The following SLC22A25 variants were observed in gnomAD, a reference collection of about 807,000 sequenced individuals.
SLC22A25 encodes solute carrier family 22 member 25.
In SLC22A25, 44 loss-of-function variants were observed where a neutral mutation model predicts 45.9. The ratio of observed to expected loss-of-function variants is 0.96; its 90% CI spans 0.75 to 1.23. The LOEUF is 1.23. Among genes scored for constraint, SLC22A25 ranks in the 50% most tolerant of loss-of-function variants. The probability of loss-of-function intolerance (pLI) is 0.00; values close to 1 mark genes in which losing one functional copy is unlikely to be tolerated. For missense variants in SLC22A25, 800 were observed against 666.4 expected (o/e 1.20, Z -2.21); for synonymous variants, 283 against 238.6 (o/e 1.19, Z -1.72).
chr11:63,235,527 A>T (rs1462972738), intron 3 of SLC22A25, among the ~76,000 whole-genome samples: 1 of 152,130 alleles, frequency 6.6e-6, no homozygotes, highest in Non-Finnish European at 1.5e-5. Flanking sequence ...TGCATTGGTT[A>T]TTCTAGTTAT....
At chr11:63,214,160 G>A (rs1165317507) in intron 7 of SLC22A25, among the ~76,000 whole-genome samples, 1 of 152,116 alleles carries the variant, frequency 6.6e-6, no homozygotes, top group Non-Finnish European at 1.5e-5. Flanking sequence ...AAACCCTCTG[G>A]TGGGTTCTTG....
intron 7 of SLC22A25, among the ~76,000 whole-genome samples, chr11:63,214,155 C>CT (rs2089651087): frequency 6.6e-6 from 1 of 151,876 alleles, no homozygotes; most frequent in Admixed American, 6.6e-5. Flanking sequence ...ATTCAAAACC[C>CT]TCTGGTGGGT....
chr11:63,243,375 T>C (rs1171330330), intron 1 of SLC22A25, 59 bp downstream of exon 1: 6 of 642,044 alleles, frequency 9.3e-6, no homozygotes, highest in South Asian at 3.3e-5. Flanking sequence ...TAACTAATGC[T>C]GGAGGTCTGT....
intron 9 of SLC22A25, among the ~76,000 whole-genome samples, chr11:63,170,490 C>T (rs985037269): frequency 7.9e-5 from 12 of 152,134 alleles, no homozygotes; most frequent in East Asian, 3.9e-4. Context: ...GGGATATCAC[C>T]GCTAACCCCA....
At chr11:63,164,219 C>G (rs1303691783) in intron 11 of SLC22A25, 146 bp from the exon 12 acceptor site, 2 of 1,148,942 alleles carry the variant, frequency 1.7e-6, no homozygotes, top group Admixed American at 2.7e-5. Flanking sequence ...CTCTTATTTG[C>G]TAGCAATTTA....
At position 63,163,673 on chromosome 11, in the gene SLC22A25, T is replaced by G; in HGVS notation, c.*151A>C. Reference sequence around the variant, plus strand: ...GGCTGGGCAGAGATGGTCTGTGTGATCTAGTGAGGCTCAGGGGATGTATGA... The same window carrying G: ...GGCTGGGCAGAGATGGTCTGTGTGAGCTAGTGAGGCTCAGGGGATGTATGA... On this transcript the variant is annotated 3_prime_UTR_variant, in exon 12 of 12. Coordinates refer to ENST00000306494, the MANE Select transcript of SLC22A25 (RefSeq NM_199352.6). 8.7e-7 allele frequency: 1 copy of G among 1,148,132 alleles called. No individual in the cohort carries two copies. The highest frequency in any genetic ancestry group is 1.8e-5 in the South Asian group (1 of 54,740). 71.1% of individuals were successfully genotyped at this position (1,148,132 alleles called of 1,614,324 possible).
chr11:63,225,533 T>G lies in SLC22A25; in HGVS notation c.506+2928A>C, dbSNP rs567063437. ...GGGTCTCCATTGGATGTTATTTGTT[T>G]CTTTTCTCTTGCGTGTTTAGGATTC... On this transcript the variant is annotated intron_variant, in intron 5 of 11. Coordinates refer to ENST00000306494, the MANE Select transcript of SLC22A25 (RefSeq NM_199352.6). Among the ~76,000 whole-genome samples the G allele has an allele frequency of 2.6e-5, 4 of 152,338 alleles. No individual in the cohort carries two copies. In the South Asian group the frequency reaches 8.3e-4, roughly 32 times the overall value.
At chr11:63,164,407 G>C (rs913034551) in intron 11 of SLC22A25, 119 bp downstream of exon 11, 2 of 903,550 alleles carry the variant, frequency 2.2e-6, no homozygotes, top group Admixed American at 2.4e-5. Flanking sequence ...TTGTTTTTAT[G>C]ACTATTACAT....
chr11:63,212,715 A>G (rs2089606233), intron 7 of SLC22A25, among the ~76,000 whole-genome samples: 1 of 152,016 alleles, frequency 6.6e-6, no homozygotes, highest in Non-Finnish European at 1.5e-5. Context: ...TGATGAGTTA[A>G]TGAGTGCAGC....
Position 63,229,550 on chromosome 11 carries a change from T to A in SLC22A25, c.103A>T (p.Thr35Ser), listed in dbSNP as rs1478759573. 6.2e-7 allele frequency: 1 copy of A among 1,613,988 alleles called. No individual in the cohort carries two copies. Among genetic ancestry groups the A allele is most frequent in the Non-Finnish European group, 8.5e-7 (1 of 1,179,988 alleles). ...IMFNVIVYHQ[T>S]QLENFAAFIL... ...AATGCTGCGAAGTTCTCCAGCTGAG[T>A]TTGATGGTATACTATGACGTTGAAC... Residue 35 changes from threonine (T) to serine (S), a missense_variant, in exon 4 of 12, where the codon ACT becomes TCT. Thr to Ser is a moderately conservative substitution (Grantham distance 58). Coordinates refer to ENST00000306494, the MANE Select transcript of SLC22A25 (RefSeq NM_199352.6).
At chr11:63,226,448 A>T (rs973822578) in intron 5 of SLC22A25, among the ~76,000 whole-genome samples, 9 of 152,232 alleles carry the variant, frequency 5.9e-5, no homozygotes, top group African/African-American at 2.2e-4. Flanking sequence ...TATTTGGACC[A>T]GCAGGCAGAG....
intron 7 of SLC22A25, among the ~76,000 whole-genome samples, chr11:63,186,253 G>A (rs544793239): frequency 1.6e-4 from 24 of 146,932 alleles, no homozygotes; most frequent in African/African-American, 5.8e-4. Flanking sequence ...GTGTGAGATG[G>A]TATCTCATTG....
At chr11:63,213,798 G>C (rs1220660211) in intron 7 of SLC22A25, among the ~76,000 whole-genome samples, 1 of 152,160 alleles carries the variant, frequency 6.6e-6, no homozygotes, top group East Asian at 1.9e-4. Flanking sequence ...AGATCTCAGA[G>C]ATACCCCCTT....
rs190701904 is a variant in SLC22A25 at position 63,210,776 on chromosome 11, C to T, written c.830+6538G>A. Among the ~76,000 whole-genome samples the T allele has an allele frequency of 3.9e-5, 6 of 152,220 alleles. No individual in the cohort carries two copies. In the East Asian group the frequency reaches 9.6e-4, roughly 24 times the overall value. On this transcript the variant is annotated intron_variant, in intron 7 of 11. Transcript: ENST00000306494. ...CCTCCACGAAGAACTGTGCTACTAT[C>T]GTAGGGGCTACTGGGGCCAAAGAAA...
chr11:63,173,652 C>A (rs1270012974), intron 9 of SLC22A25, among the ~76,000 whole-genome samples: 2 of 152,120 alleles, frequency 1.3e-5, no homozygotes, highest in Non-Finnish European at 2.9e-5. Flanking sequence ...TGTAAGTGTA[C>A]AATTCAGGCA....
chr11:63,221,867 A>G (rs1302930626), intron 5 of SLC22A25, among the ~76,000 whole-genome samples: 1 of 152,130 alleles, frequency 6.6e-6, no homozygotes, highest in East Asian at 1.9e-4. Context: ...GTTTCCCAGC[A>G]TTGTGTATTA....
chr11:63,240,465 C>T (rs891289074), intron 1 of SLC22A25, among the ~76,000 whole-genome samples: 3 of 152,228 alleles, frequency 2.0e-5, no homozygotes, highest in South Asian at 2.1e-4. Flanking sequence ...AATATATAAA[C>T]AAACATTTTC....
intron 7 of SLC22A25, among the ~76,000 whole-genome samples, chr11:63,189,817 T>A (rs1034945328): frequency 6.6e-6 from 1 of 152,202 alleles, no homozygotes; most frequent in Non-Finnish European, 1.5e-5. Flanking sequence ...TTAGTTTGGC[T>A]GGATATGAAA....
At chr11:63,192,733 G>A (rs990452361) in intron 7 of SLC22A25, among the ~76,000 whole-genome samples, 2 of 152,128 alleles carry the variant, frequency 1.3e-5, no homozygotes, top group Non-Finnish European at 2.9e-5. Context: ...ACATGAAATA[G>A]AGAAAGAAGG....
Sources: allele counts gnomAD v4.1 joint callset (sites outside exome capture counted in the v4.1 genomes callset), GRCh38; gene constraint gnomAD v4.1.1; transcripts MANE v1.5; gene names NCBI Gene and HGNC (gene_info 2026-07-23, HGNC 2026-07-21).